Variants in CREBL2 observed in about 807,000 individuals in gnomAD.
CREBL2 encodes cAMP-responsive element-binding protein-like 2.
Under a neutral mutation model 19.5 loss-of-function variants are expected in CREBL2, and 4 were observed. The ratio of observed to expected loss-of-function variants is 0.20; its 90% CI spans 0.10 to 0.47. CREBL2 has a LOEUF of 0.47. CREBL2 is among the 20% of genes least tolerant of loss of function. CREBL2 has a pLI of 0.98. For missense variants in CREBL2, 85 were observed against 145.1 expected, an observed-to-expected ratio of 0.59 and a Z score of 2.13; for synonymous variants, 42 against 46.6, an observed-to-expected ratio of 0.90 and a Z score of 0.40.
intron 3 of CREBL2, among the ~76,000 whole-genome samples, chr12:12,640,572 A>G (rs969718706): frequency 3.3e-5 from 5 of 152,228 alleles, no homozygotes; most frequent in Non-Finnish European, 5.9e-5. Flanking sequence ...CTGAGGTGAC[A>G]TACATCCTCA....
intron 1 of CREBL2, among the ~76,000 whole-genome samples, 195 bp downstream of exon 1, chr12:12,612,382 G>A (rs1296475852): frequency 6.6e-6 from 1 of 152,202 alleles, no homozygotes; most frequent in Non-Finnish European, 1.5e-5. Context: ...TTTCCAGGAA[G>A]GGCCCTCTCT....
intron 1 of CREBL2, among the ~76,000 whole-genome samples, chr12:12,632,147 G>A (rs1430303016): frequency 1.1e-4 from 13 of 123,188 alleles, no homozygotes; most frequent in Non-Finnish European, 1.9e-4. Flanking sequence ...GCGGGATCTC[G>A]GCTCACTGCA....
At chr12:12,632,736 T>C (rs1183955789) in intron 1 of CREBL2, 1 of 152,034 alleles carries the variant, frequency 6.6e-6, no homozygotes, top group Non-Finnish European at 1.5e-5. Flanking sequence ...TAAATACACT[T>C]TGTTTTAACT....
chr12:12,630,304 A>G (rs955855250), intron 1 of CREBL2, among the ~76,000 whole-genome samples: 1 of 151,834 alleles, frequency 6.6e-6, no homozygotes. Context: ...CAGATTTTCT[A>G]TTTCTTCTTG....
chr12:12,620,231 C>CT (rs1333591209), intron 1 of CREBL2, among the ~76,000 whole-genome samples: 1 of 116,602 alleles, frequency 8.6e-6, no homozygotes, highest in Non-Finnish European at 1.9e-5. Context: ...GCTTTCTTTT[C>CT]TTTTCTTTTT....
intron 1 of CREBL2, among the ~76,000 whole-genome samples, chr12:12,620,635 C>CT (rs1283639371): frequency 6.6e-6 from 1 of 152,212 alleles, no homozygotes; most frequent in Non-Finnish European, 1.5e-5. Context: ...CAGTTGAAAT[C>CT]TAAGTTTAAA....
chr12:12,614,416 G>A (rs1216944827), intron 1 of CREBL2: 1 of 153,628 alleles, frequency 6.5e-6, no homozygotes, highest in African/African-American at 2.4e-5. Context: ...TTCCACTGGT[G>A]GAGTAGGCTG....
Position 12,641,339 on chromosome 12 carries a change from G to A in CREBL2, c.359-655G>A, listed in dbSNP as rs1159826419. Among the ~76,000 whole-genome samples the A allele has an allele frequency of 5.7e-5, 8 of 140,586 alleles. No homozygotes were observed. In the South Asian group the frequency reaches 9.1e-4, roughly 16 times the overall value. 92.2% of individuals were successfully genotyped at this position (140,586 alleles called of 152,430 possible). A position where few individuals can be genotyped will look rare whatever the true frequency, so the allele number is the denominator to read the frequency against. ...ATTTTTTTTTTTGAGAAGAAGTCTC[G>A]CTCTGTCACCCAGGCTGGAGTGCAG... is the stretch of plus-strand genomic sequence containing the variant. On this transcript the variant is annotated intron_variant, in intron 3 of 3. Transcript: ENST00000228865.
intron 1 of CREBL2, among the ~76,000 whole-genome samples, chr12:12,630,857 A>G (rs1257744288): frequency 6.6e-6 from 1 of 152,100 alleles, no homozygotes; most frequent in East Asian, 1.9e-4. Flanking sequence ...ATTGCCATCT[A>G]TTTTCCTCAA....
At position 12,611,983 on chromosome 12, in the gene CREBL2, C is replaced by G. The variant is rs781352574; in HGVS notation, c.-190C>G. The G allele has an allele frequency of 2.9e-5, 19 of 652,138 alleles. No homozygotes were observed. Among genetic ancestry groups the G allele is most frequent in the Non-Finnish European group, 4.1e-5 (16 of 389,650 alleles). 40.4% of individuals were successfully genotyped at this position (652,138 alleles called of 1,614,324 possible). A position where few individuals can be genotyped will look rare whatever the true frequency, so the allele number is the denominator to read the frequency against. ...GGCGTTTGGGGCCGCCTCCAGGGTC[C>G]GCTCTGCCATTCCTGAACTGGTCCC... On this transcript the variant is annotated 5_prime_UTR_variant, in exon 1 of 4. Transcript: ENST00000228865.
chr12:12,641,399 C>A (rs1945521092), intron 3 of CREBL2, among the ~76,000 whole-genome samples: 2 of 151,258 alleles, frequency 1.3e-5, no homozygotes. Flanking sequence ...CCTCTGCCTC[C>A]CAGGTTCAAG....
chr12:12,637,737 T>A (rs765971595), intron 3 of CREBL2, 23 bp downstream of exon 3: 1 of 1,591,482 alleles, frequency 6.3e-7, no homozygotes, highest in Non-Finnish European at 8.6e-7. Flanking sequence ...AATGGGAGAA[T>A]TTATATTTAA....
At chr12:12,620,626 A>G (rs1033052844) in intron 1 of CREBL2, among the ~76,000 whole-genome samples, 1 of 152,254 alleles carries the variant, frequency 6.6e-6, no homozygotes, top group Non-Finnish European at 1.5e-5. Context: ...CACAGAAACC[A>G]GTTGAAATCT....
chr12:12,637,806 C>G (rs896112152), intron 3 of CREBL2, 92 bp downstream of exon 3: 1 of 1,323,180 alleles, frequency 7.6e-7, no homozygotes, highest in African/African-American at 1.5e-5. Context: ...TTTGGGAGGC[C>G]GAGGTGGGCA....
At chr12:12,615,697 T>G (rs1945306251) in intron 1 of CREBL2, 1 of 151,994 alleles carries the variant, frequency 6.6e-6, no homozygotes, top group Non-Finnish European at 1.5e-5. Flanking sequence ...CTTCACTAGG[T>G]TGGCCAGGAT....
chr12:12,632,226 C>T (rs1036458540), intron 1 of CREBL2, among the ~76,000 whole-genome samples: 3 of 150,442 alleles, frequency 2.0e-5, no homozygotes, highest in African/African-American at 7.3e-5. Context: ...TACAGGCGCC[C>T]GCCACTACGC....
chr12:12,631,899 T>C (rs1945444712), intron 1 of CREBL2, among the ~76,000 whole-genome samples: 1 of 152,140 alleles, frequency 6.6e-6, no homozygotes, highest in Admixed American at 6.6e-5. Flanking sequence ...TCCTGTGTTA[T>C]ACTTACTCTC....
rs779729821 is a variant in CREBL2 at position 12,643,604 on chromosome 12, T to TA, written c.*1606_*1607insA. 19 of 152,324 alleles carry TA rather than the reference T, an allele frequency of 1.2e-4. No homozygotes were observed. Among genetic ancestry groups the TA allele is most frequent in the Non-Finnish European group, 2.4e-4 (16 of 68,036 alleles). 9.4% of individuals were successfully genotyped at this position (152,324 alleles called of 1,614,324 possible). On this transcript the variant is annotated 3_prime_UTR_variant, in exon 4 of 4. Transcript: ENST00000228865. Reference sequence around the variant, plus strand: ...TCTCAGGCCATGCATTTGAATAAAGTGCCTCCCTTAGCCTGAGCTCCTAAA... The same window carrying TA: ...TCTCAGGCCATGCATTTGAATAAAGTAGCCTCCCTTAGCCTGAGCTCCTAAA...
chr12:12,631,766 C>G lies in CREBL2; in HGVS notation c.16-4011C>G, dbSNP rs552042023. 5.3e-5 allele frequency among the ~76,000 whole-genome samples: 8 copies of G among 152,262 alleles called. No individual in the cohort carries two copies. In the South Asian group the frequency reaches 8.3e-4, roughly 16 times the overall value. On this transcript the variant is annotated intron_variant, in intron 1 of 3. Transcript: ENST00000228865. ...AGTAGTTAAGGCAACTGGTACTAAC[C>G]TACATTTGTGTAATACTTTTTTCTC...
Sources: gnomAD v4.1 joint callset for allele counts (sites outside exome capture counted in the v4.1 genomes callset) on GRCh38, gnomAD v4.1.1 for gene constraint, MANE v1.5 for transcripts, NCBI Gene and HGNC (gene_info 2026-07-23, HGNC 2026-07-21) for gene names.